Variants in GRID2 observed in about 807,000 individuals in gnomAD.
GRID2 encodes the protein glutamate ionotropic receptor delta type subunit 2, also known as glutamate receptor ionotropic, delta-2.
In GRID2, 33 loss-of-function variants were observed where a neutral mutation model predicts 114.8. The ratio of observed to expected loss-of-function variants is 0.29; its 90% confidence interval spans 0.22 to 0.38. The LOEUF is 0.38. GRID2 is among the 10% of genes least tolerant of loss of function. The pLI is 1.00. For synonymous variants in GRID2, 505 were observed against 449.9 expected (o/e 1.12, Z -1.55); for missense variants, 1,184 against 1,257.7 (o/e 0.94, Z 0.89).
At chr4:93,205,722 G>A (rs1299099269) in intron 4 of GRID2, among the ~76,000 whole-genome samples, 2 of 152,062 alleles carry the variant, frequency 1.3e-5, no homozygotes, top group African/African-American at 2.4e-5. Context: ...AGACCCCTAA[G>A]GAATCGCCAC....
intron 14 of GRID2, among the ~76,000 whole-genome samples, chr4:93,727,695 T>C (rs1359549245): frequency 6.6e-6 from 1 of 152,254 alleles, no homozygotes; most frequent in Non-Finnish European, 1.5e-5. Context: ...AGATTCAACT[T>C]CTTCCTGGTT....
intron 2 of GRID2, among the ~76,000 whole-genome samples, chr4:93,081,285 C>G (rs185914652): frequency 8.5e-5 from 13 of 152,228 alleles, no homozygotes; most frequent in Admixed American, 8.5e-4. Context: ...TCACTGAGTT[C>G]TCATTTTCAG....
intron 1 of GRID2, among the ~76,000 whole-genome samples, chr4:92,494,763 C>T (rs1723309156): frequency 6.6e-6 from 1 of 151,744 alleles, no homozygotes; most frequent in Admixed American, 6.6e-5. Context: ...AGTAATATTT[C>T]TAATTTTACT....
chr4:93,131,235 C>T (rs1734773399), intron 4 of GRID2, among the ~76,000 whole-genome samples: 1 of 146,480 alleles, frequency 6.8e-6, no homozygotes, highest in Non-Finnish European at 1.5e-5. Context: ...CTCACTGCAA[C>T]CTCCACCTCC....
At chr4:93,001,067 C>T (rs1720929746) in intron 2 of GRID2, among the ~76,000 whole-genome samples, 1 of 151,544 alleles carries the variant, frequency 6.6e-6, no homozygotes, top group East Asian at 1.9e-4. Flanking sequence ...AGTAATTAAA[C>T]ATCTAGCTCC....
At chr4:93,150,227 T>A (rs1736615692) in intron 4 of GRID2, among the ~76,000 whole-genome samples, 1 of 152,012 alleles carries the variant, frequency 6.6e-6, no homozygotes. Context: ...GTGTTTTGAG[T>A]GGAAAATTTA....
intron 14 of GRID2, among the ~76,000 whole-genome samples, chr4:93,701,283 G>T (rs970783685): frequency 6.6e-6 from 1 of 152,158 alleles, no homozygotes; most frequent in African/African-American, 2.4e-5. Context: ...CGAGTTTAGA[G>T]CTAACGCTTC....
At chr4:93,004,627 A>G (rs949014950) in intron 2 of GRID2, among the ~76,000 whole-genome samples, 1 of 151,948 alleles carries the variant, frequency 6.6e-6, no homozygotes, top group South Asian at 2.1e-4. Flanking sequence ...TCTTATATCA[A>G]TGAAGACCAT....
intron 2 of GRID2, among the ~76,000 whole-genome samples, chr4:92,798,747 C>G (rs997087988): frequency 2.6e-5 from 4 of 152,012 alleles, no homozygotes; most frequent in Admixed American, 2.6e-4. Context: ...TACTTTCCCA[C>G]TCAATAGATA....
chr4:92,634,050 A>T (rs945570489), intron 2 of GRID2, among the ~76,000 whole-genome samples: 1 of 151,802 alleles, frequency 6.6e-6, no homozygotes, highest in Non-Finnish European at 1.5e-5. Context: ...TGTGGGCCAC[A>T]TTGGAAGAAG....
At chr4:93,807,455 T>C (rs530560675) in exon 2 of GRID2, 3 of 152,188 alleles carry the variant, frequency 2.0e-5, no homozygotes, top group Non-Finnish European at 4.4e-5. Flanking sequence ...CTTACCAAAA[T>C]TGGCTACTTT....
intron 2 of GRID2, among the ~76,000 whole-genome samples, chr4:92,982,904 A>G (rs887011135): frequency 3.3e-5 from 5 of 152,114 alleles, no homozygotes; most frequent in African/African-American, 9.6e-5. Context: ...TAGAGGATAC[A>G]TAAATTATAC....
At chr4:92,344,727 G>A (rs1727680872) in intron 1 of GRID2, among the ~76,000 whole-genome samples, 1 of 152,174 alleles carries the variant, frequency 6.6e-6, no homozygotes, top group South Asian at 2.1e-4. Flanking sequence ...ATTCCACATA[G>A]TGTATTGTCT....
intron 2 of GRID2, among the ~76,000 whole-genome samples, chr4:92,827,402 TAA>T (rs869244288): frequency 5.8e-4 from 78 of 134,732 alleles, no homozygotes; most frequent in Non-Finnish European, 7.1e-4. Context: ...TCCTGAGATT[TAA>T]AAAAAAAAAA....
chr4:93,656,375 C>T (rs201462159), intron 14 of GRID2, among the ~76,000 whole-genome samples: 1 of 151,828 alleles, frequency 6.6e-6, no homozygotes, highest in East Asian at 1.9e-4. Context: ...GATTGGGGGA[C>T]AAGAAAAGCT....
At chr4:92,632,778 A>G (rs553574842) in intron 2 of GRID2, among the ~76,000 whole-genome samples, 2 of 152,244 alleles carry the variant, frequency 1.3e-5, no homozygotes, top group African/African-American at 4.8e-5. Context: ...AAGGAAGGGA[A>G]GAAATAGCCA....
chr4:93,621,805 CT>C (rs1742237022), intron 13 of GRID2, among the ~76,000 whole-genome samples: 1 of 152,074 alleles, frequency 6.6e-6, no homozygotes, highest in Admixed American at 6.6e-5. Flanking sequence ...TTGCTACAGG[CT>C]ATAATCACAC....
intron 2 of GRID2, among the ~76,000 whole-genome samples, chr4:92,857,323 A>C (rs981169241): frequency 6.6e-6 from 1 of 151,978 alleles, no homozygotes; most frequent in African/African-American, 2.4e-5. Flanking sequence ...AATAGGCTGA[A>C]ATCCAGGGCT....
chr4:92,802,468 A>G (rs1740220364), intron 2 of GRID2, among the ~76,000 whole-genome samples: 1 of 151,340 alleles, frequency 6.6e-6, no homozygotes, highest in South Asian at 2.1e-4. Flanking sequence ...GCCTCCACCC[A>G]GCCCTTTGCT....
Sources: gnomAD v4.1 joint callset for allele counts (sites outside exome capture counted in the v4.1 genomes callset) on GRCh38, gnomAD v4.1.1 for gene constraint, MANE v1.5 for transcripts, NCBI Gene and HGNC (gene_info 2026-07-23, HGNC 2026-07-21) for gene names.